KIF26B: variants seen among roughly 807,000 people sequenced by gnomAD.
The protein encoded by KIF26B is kinesin family member 26B, also known as kinesin-like protein KIF26B.
Under a neutral mutation model 151.2 loss-of-function variants are expected in KIF26B, and 63 were observed. The ratio of observed to expected loss-of-function variants is 0.42; its 90% CI spans 0.34 to 0.51. KIF26B has a LOEUF of 0.51. Among genes scored for constraint, KIF26B ranks in the 20% least tolerant of loss-of-function variants. The pLI, the probability that KIF26B is intolerant of heterozygous loss-of-function variation, is 0.07. For synonymous variants in KIF26B, 1,357 were observed against 1,262.1 expected (o/e 1.08, Z -1.59); for missense variants, 2,813 against 2,913.6 (o/e 0.97, Z 0.79).
chr1:245,323,825 G>C (rs989623525), intron 2 of KIF26B, among the ~76,000 whole-genome samples: 11 of 152,222 alleles, frequency 7.2e-5, no homozygotes, highest in African/African-American at 2.7e-4. Flanking sequence ...AATAAACAGG[G>C]GAAGCATATG....
rs976465408 is a variant in KIF26B at position 245,166,522 on chromosome 1, G to C, written c.465+9839G>C. ...GATTGAGAGTTTTTTGTCACAGATG[G>C]AAATCCCTTCTTTAAGCCCGGCCCC... On this transcript the variant is annotated intron_variant, in intron 2 of 14. Coordinates refer to ENST00000407071, the MANE Select transcript of KIF26B (RefSeq NM_018012.4). This position sits in a 1 kb window ranked among gnomAD's most constrained non-coding sequence, Gnocchi z 4.5. Among the ~76,000 whole-genome samples the C allele has an allele frequency of 1.3e-5, 2 of 152,160 alleles. No homozygotes were observed. The highest frequency in any genetic ancestry group is 4.8e-5 in the African/African-American group (2 of 41,440).
chr1:245,551,612 C>T (rs549525363), intron 5 of KIF26B, among the ~76,000 whole-genome samples: 2 of 152,298 alleles, frequency 1.3e-5, no homozygotes, highest in South Asian at 2.1e-4. Context: ...GGACTAATAA[C>T]GCACCATTTG....
intron 9 of KIF26B, among the ~76,000 whole-genome samples, chr1:245,634,511 A>G (rs1379781912): frequency 1.3e-5 from 2 of 152,174 alleles, no homozygotes; most frequent in African/African-American, 4.8e-5. Flanking sequence ...TTCTACTTAT[A>G]TATTGCTGAG....
At chr1:245,484,707 C>CTTCTTCTTCT (rs1660238356) in intron 4 of KIF26B, among the ~76,000 whole-genome samples, 2 of 16,974 alleles carry the variant, frequency 1.2e-4, no homozygotes, top group African/African-American at 2.2e-4. Context: ...TCTCCTTCTC[C>CTTCTTCTTCT]TTCTTCTTTC....
At chr1:245,444,606 C>A (rs965106399) in intron 4 of KIF26B, among the ~76,000 whole-genome samples, 1 of 152,204 alleles carries the variant, frequency 6.6e-6, no homozygotes, top group African/African-American at 2.4e-5. Flanking sequence ...AGTTCAGATG[C>A]CTTTGATTGA....
chr1:245,523,442 T>A (rs1027385203), intron 4 of KIF26B, among the ~76,000 whole-genome samples: 3 of 152,204 alleles, frequency 2.0e-5, no homozygotes, highest in African/African-American at 4.8e-5. Context: ...AGACAATACC[T>A]GTCTTAGTTC....
chr1:245,421,617 G>A (rs1478953058), intron 4 of KIF26B, among the ~76,000 whole-genome samples: 1 of 152,178 alleles, frequency 6.6e-6, no homozygotes, highest in Non-Finnish European at 1.5e-5. Context: ...TTCTTTGAAA[G>A]TGGAGTCTTC....
At position 245,640,163 on chromosome 1, in the gene KIF26B, CCTG is replaced by C. The variant is rs558676689; in HGVS notation, c.2099-5955_2099-5953del. On this transcript the variant is annotated intron_variant, in intron 9 of 14. Coordinates refer to ENST00000407071, the MANE Select transcript of KIF26B (RefSeq NM_018012.4). ...TCTCTCTATATATATATATATATAC[CCTG>C]CTATTTGGTTATATATATTCATAAT... is the stretch of plus-strand genomic sequence containing the variant. Among the ~76,000 whole-genome samples, 907 of 102,620 alleles carry C rather than the reference CCTG, an allele frequency of 8.8e-3. 31 individuals carry two copies. The highest frequency in any genetic ancestry group is 0.034 in the African/African-American group (856 of 25,076). 67.3% of individuals were successfully genotyped at this position (102,620 alleles called of 152,430 possible).
chr1:245,341,186 G>T (rs932609544), intron 2 of KIF26B, among the ~76,000 whole-genome samples: 3 of 152,008 alleles, frequency 2.0e-5, no homozygotes, highest in African/African-American at 4.8e-5. Context: ...GGGGAGCTCC[G>T]GAGCTGCGTC....
intron 2 of KIF26B, among the ~76,000 whole-genome samples, chr1:245,293,406 G>A (rs948654200): frequency 4.3e-4 from 65 of 151,978 alleles, no homozygotes; most frequent in African/African-American, 1.6e-3. Context: ...AATGACCAGC[G>A]TGGACTCTGC....
At chr1:245,264,569 A>G (rs1258588222) in intron 2 of KIF26B, among the ~76,000 whole-genome samples, 1 of 151,190 alleles carries the variant, frequency 6.6e-6, no homozygotes, top group Non-Finnish European at 1.5e-5. Context: ...GTTCTAGATT[A>G]TTGTTCTTAA....
intron 4 of KIF26B, among the ~76,000 whole-genome samples, chr1:245,421,847 T>C (rs1658495014): frequency 6.6e-6 from 1 of 152,060 alleles, no homozygotes; most frequent in African/African-American, 2.4e-5. Context: ...CTCATAGTAC[T>C]GGACAAGGTG....
chr1:245,534,542 A>G (rs1259437562), intron 4 of KIF26B, among the ~76,000 whole-genome samples: 2 of 152,162 alleles, frequency 1.3e-5, no homozygotes, highest in Admixed American at 6.6e-5. Flanking sequence ...TAAGGCACAG[A>G]TAATTATATG....
intron 10 of KIF26B, among the ~76,000 whole-genome samples, chr1:245,652,370 T>C (rs1386322719): frequency 5.3e-5 from 8 of 152,164 alleles, no homozygotes; most frequent in African/African-American, 9.7e-5. Context: ...CTCATTTTTA[T>C]ACATTTTAGT....
At chr1:245,506,673 A>G (rs1206921917) in intron 4 of KIF26B, among the ~76,000 whole-genome samples, 1 of 152,126 alleles carries the variant, frequency 6.6e-6, no homozygotes, top group Non-Finnish European at 1.5e-5. Flanking sequence ...TCCCCATTTG[A>G]AGTGAATTTT....
intron 2 of KIF26B, among the ~76,000 whole-genome samples, chr1:245,335,645 C>G (rs114862943): frequency 6.8e-6 from 1 of 147,964 alleles, no homozygotes; most frequent in Non-Finnish European, 1.5e-5. Context: ...GAGAGTCCCA[C>G]GAGGGGAAAG....
rs2147958447 is a variant in KIF26B at position 245,688,442 on chromosome 1, G to A, written c.5459G>A (p.Gly1820Asp). 2.9e-6 allele frequency: 4 copies of A among 1,376,390 alleles called. No individual in the cohort carries two copies. The highest frequency in any genetic ancestry group is 3.7e-6 in the Non-Finnish European group (4 of 1,073,800). The allele number at this position is 1,376,390 out of a possible 1,614,324, so 85.3% of individuals were successfully genotyped here. Reference protein sequence around the residue: ...ELLQGGAGARGLQLRAGPEAE... With the variant: ...ELLQGGAGARDLQLRAGPEAE... ...CTGCAGGGTGGCGCGGGCGCCCGGG[G>A]CTTGCAGCTGCGGGCCGGGCCCGAG... is the stretch of plus-strand genomic sequence containing the variant. The change falls in exon 12 of 15, where the codon GGC becomes GAC. Residue 1820 changes from glycine to aspartate, a missense_variant. Transcript: ENST00000407071.
At chr1:245,374,977 T>G (rs1673239373) in intron 3 of KIF26B, among the ~76,000 whole-genome samples, 2 of 152,142 alleles carry the variant, frequency 1.3e-5, no homozygotes, top group Non-Finnish European at 2.9e-5. Context: ...CCCCCAACGA[T>G]GCCCACACCC....
rs544344243 is a variant in KIF26B at position 245,512,890 on chromosome 1, C to T, written c.1167-27877C>T. On this transcript the variant is annotated intron_variant, in intron 4 of 14. Coordinates refer to ENST00000407071, the MANE Select transcript of KIF26B (RefSeq NM_018012.4). This position sits in a 1 kb window ranked among gnomAD's most constrained non-coding sequence, Gnocchi z 4.3. ...AAAATCATGCCGGGGAAAGGAAAAT[C>T]ATTAAAAAACAATGACTAAAAACAG... 7.9e-4 allele frequency among the ~76,000 whole-genome samples: 120 copies of T among 152,144 alleles called. 2 individuals carry two copies. The South Asian group carries it at 0.024, about 31-fold the overall frequency.
Sources: allele counts gnomAD v4.1 joint callset (sites outside exome capture counted in the v4.1 genomes callset), GRCh38; gene constraint gnomAD v4.1.1; non-coding constraint Gnocchi (gnomAD v3.1); transcripts MANE v1.5; gene names NCBI Gene and HGNC (gene_info 2026-07-23, HGNC 2026-07-21).